TRRAP: variants seen among roughly 807,000 people sequenced by gnomAD.
The protein encoded by TRRAP is transformation/transcription domain-associated protein.
A neutral mutation model predicts 438.8 loss-of-function variants in TRRAP; 41 were observed. The observed-to-expected ratio is 0.09, with a 90% CI of 0.07 to 0.12. The LOEUF is 0.12. Among genes scored for constraint, TRRAP ranks in the 10% least tolerant of loss-of-function variants. The pLI, the probability that TRRAP is intolerant of heterozygous loss-of-function variation, is 1.00. For synonymous variants in TRRAP, 1,994 were observed against 1,962.9 expected (o/e 1.02, Z -0.42); for missense variants, 3,122 against 5,055.1 (o/e 0.62, Z 11.60).
intron 27 of TRRAP, among the ~76,000 whole-genome samples, chr7:98,934,215 A>T (rs1790452254): frequency 6.6e-6 from 1 of 152,250 alleles, no homozygotes; most frequent in Non-Finnish European, 1.5e-5. Context: ...TAAAATTTTT[A>T]TGGGACATGA....
intron 21 of TRRAP, among the ~76,000 whole-genome samples, chr7:98,923,264 C>T (rs1789884105): frequency 6.6e-6 from 1 of 152,066 alleles, no homozygotes; most frequent in African/African-American, 2.4e-5. Flanking sequence ...AGTAGTTTTG[C>T]CCCAAAGCAG....
chr7:98,935,529 A>T (rs1554414013), intron 27 of TRRAP, 50 bp from the exon 28 acceptor site: 1 of 1,527,336 alleles, frequency 6.5e-7, no homozygotes, highest in South Asian at 1.2e-5. Flanking sequence ...CAAGGTTATT[A>T]TGTCTTCACA....
Position 99,011,607 on chromosome 7 carries a change from A to C in TRRAP, c.11337+72A>C, listed in dbSNP as rs939530129. On this transcript the variant is annotated intron_variant, in intron 72 of 72. Transcript: ENST00000456197. The surrounding 1 kb of genome is among the most constrained non-coding windows in gnomAD (Gnocchi z 7.1). Reference sequence around the variant, plus strand: ...AGATGCCCGCGCGTCACGGCCTTGCAGGAGCTGCTGATGTGCCTCACGGGC... The same window carrying C: ...AGATGCCCGCGCGTCACGGCCTTGCCGGAGCTGCTGATGTGCCTCACGGGC... 3 of 1,532,616 alleles carry C rather than the reference A, an allele frequency of 2.0e-6. No homozygotes were observed. The highest frequency in any genetic ancestry group is 4.5e-5 in the East Asian group (2 of 44,072). 94.9% of individuals were successfully genotyped at this position (1,532,616 alleles called of 1,614,324 possible). A position where few individuals can be genotyped will look rare whatever the true frequency, so the allele number is the denominator to read the frequency against.
At chr7:98,892,663 C>T in intron 5 of TRRAP, 135 bp downstream of exon 5, 1 of 664,558 alleles carries the variant, frequency 1.5e-6, no homozygotes, top group Non-Finnish European at 2.5e-6. Flanking sequence ...AAAAATTTTT[C>T]TTAATGTCCC....
At chr7:98,878,715 G>T (rs2116201200) in intron 1 of TRRAP, 78 bp downstream of exon 1, 1 of 152,272 alleles carries the variant, frequency 6.6e-6, no homozygotes, top group African/African-American at 2.4e-5. Context: ...TCTGCGGCGC[G>T]GCGGCTCCGC....
Position 98,977,012 on chromosome 7 carries a change from A to C in TRRAP, c.8321A>C (p.Lys2774Thr). Reference sequence around the variant, plus strand: ...GATATGTGGGCTGGTCTGTGGCAGAAGCGGTGCAAGTACTCGGAGACAGCG... The same window carrying C: ...GATATGTGGGCTGGTCTGTGGCAGACGCGGTGCAAGTACTCGGAGACAGCG... ...EEDMWAGLWQ[K>T]RCKYSETATA... Residue 2774 changes from lysine (K) to threonine (T), a missense_variant, in exon 56 of 73, where the codon AAG becomes ACG. Transcript: ENST00000456197. 1 of 1,614,192 alleles carries C rather than the reference A, an allele frequency of 6.2e-7. No individual in the cohort carries two copies. Among genetic ancestry groups the C allele is most frequent in the Non-Finnish European group, 8.5e-7 (1 of 1,180,020 alleles).
chr7:98,911,972 C>G, intron 17 of TRRAP, 50 bp from the exon 18 acceptor site: 2 of 1,535,592 alleles, frequency 1.3e-6, no homozygotes, highest in Non-Finnish European at 1.8e-6. Flanking sequence ...TGTCTTAAAA[C>G]TGCTTTGGGG....
chr7:98,939,632 TC>T (rs1165342848), intron 30 of TRRAP, among the ~76,000 whole-genome samples: 1 of 152,224 alleles, frequency 6.6e-6, no homozygotes, highest in Non-Finnish European at 1.5e-5. Context: ...TTCCATATAT[TC>T]CATATATTCA....
intron 10 of TRRAP, among the ~76,000 whole-genome samples, chr7:98,900,001 C>T (rs1161284153): frequency 6.6e-6 from 1 of 152,172 alleles, no homozygotes; most frequent in African/African-American, 2.4e-5. Flanking sequence ...TTAAAAATGT[C>T]GTCAGGCATT....
intron 22 of TRRAP, among the ~76,000 whole-genome samples, chr7:98,926,780 G>T (rs1452715720): frequency 6.6e-6 from 1 of 152,046 alleles, no homozygotes; most frequent in African/African-American, 2.4e-5. Flanking sequence ...TGAGGCGGGG[G>T]TGGGTCACCT....
chr7:98,999,006 G>A, intron 67 of TRRAP: 2 of 674,584 alleles, frequency 3.0e-6, no homozygotes, highest in Non-Finnish European at 5.2e-6. Flanking sequence ...ACAGGCGGGG[G>A]CAGCACACCA....
rs1315704501 is a variant in TRRAP, at chr7:98,967,468, C to G, written c.7299-17C>G. 4 of 1,613,004 alleles carry G rather than the reference C, an allele frequency of 2.5e-6. No individual in the cohort carries two copies. Among genetic ancestry groups the G allele is most frequent in the Non-Finnish European group, 3.4e-6 (4 of 1,179,786 alleles). ...GGGGAGTCCATCGTCTTGCCTGTCTCTGACTTGGTGTTACAGGGATGAGAC... is the reference window on the plus strand; with the variant it reads ...GGGGAGTCCATCGTCTTGCCTGTCTGTGACTTGGTGTTACAGGGATGAGAC... On this transcript the variant is annotated splice_polypyrimidine_tract_variant and intron_variant, in intron 50 of 72. Coordinates refer to ENST00000456197, the MANE Select transcript of TRRAP (RefSeq NM_001375524.1).
chr7:99,012,000 C>T lies in TRRAP; in HGVS notation c.11338-71C>T, dbSNP rs1794450946. On this transcript the variant is annotated intron_variant, in intron 72 of 72. Transcript: ENST00000456197. The surrounding 1 kb of genome is among the most constrained non-coding windows in gnomAD (Gnocchi z 7.1). ...AGCGGCCGCTGTGGTTGAGTCCCAC[C>T]TTGTTAGGAAGCTGCCCCTGTGGGC... 2 of 1,562,596 alleles carry T rather than the reference C, an allele frequency of 1.3e-6. No individual in the cohort carries two copies. Among genetic ancestry groups the T allele is most frequent in the African/African-American group, 1.3e-5 (1 of 74,274 alleles).
chr7:98,895,740 A>G, intron 6 of TRRAP, 24 bp from the exon 7 acceptor site: 1 of 1,583,610 alleles, frequency 6.3e-7, no homozygotes, highest in Non-Finnish European at 8.6e-7. Context: ...ATCTTCCTAT[A>G]ACGAAAGTGT....
chr7:98,975,050 C>A (rs1792590871), intron 53 of TRRAP, among the ~76,000 whole-genome samples: 1 of 152,202 alleles, frequency 6.6e-6, no homozygotes, highest in Admixed American at 6.5e-5. Context: ...AGCTCTTGGT[C>A]TCCGCTAAAC....
intron 47 of TRRAP, among the ~76,000 whole-genome samples, chr7:98,963,082 C>T (rs1028389703): frequency 5.3e-5 from 8 of 152,196 alleles, no homozygotes; most frequent in African/African-American, 1.7e-4. Flanking sequence ...AGGCTCTCTT[C>T]CCAATAGCAA....
At position 98,976,442 on chromosome 7, in the gene TRRAP, T is replaced by A. The variant is rs1402591128; in HGVS notation, c.7960-41T>A. 2 of 1,588,472 alleles carry A rather than the reference T, an allele frequency of 1.3e-6. No homozygotes were observed. The highest frequency in any genetic ancestry group is 3.4e-5 in the Admixed American group (2 of 59,414). On this transcript the variant is annotated intron_variant, in intron 54 of 72. Transcript: ENST00000456197. The surrounding 1 kb of genome is among the most constrained non-coding windows in gnomAD (Gnocchi z 4.6). ...CGAGAGAGACAGCAAGACTTGCCGA[T>A]TTTTGAATGAAGGCCTAAATGACAT...
intron 11 of TRRAP, among the ~76,000 whole-genome samples, chr7:98,902,562 G>A (rs1554406811): frequency 6.7e-6 from 1 of 150,202 alleles, no homozygotes; most frequent in African/African-American, 2.4e-5. Context: ...TAATGCATAT[G>A]ATTAGATAAT....
intron 3 of TRRAP, among the ~76,000 whole-genome samples, chr7:98,889,067 G>C (rs1466302583): frequency 1.6e-5 from 1 of 62,760 alleles, no homozygotes; most frequent in Admixed American, 1.6e-4. Context: ...TTTTTTTTTT[G>C]ATATGAGGTC....
Sources: allele counts gnomAD v4.1 joint callset (sites outside exome capture counted in the v4.1 genomes callset), GRCh38; gene constraint gnomAD v4.1.1; non-coding constraint Gnocchi (gnomAD v3.1); transcripts MANE v1.5; gene names NCBI Gene and HGNC (gene_info 2026-07-23, HGNC 2026-07-21).